Variants in CACNA2D1 observed in about 807,000 individuals in gnomAD.
The protein encoded by CACNA2D1 is voltage-dependent calcium channel subunit alpha-2/delta-1.
A neutral mutation model predicts 171.5 loss-of-function variants in CACNA2D1; 53 were observed. That is an observed-to-expected ratio of 0.31 (90% CI 0.25 to 0.39). The LOEUF is 0.39. CACNA2D1 is among the 10% of genes least tolerant of loss of function. The pLI, the probability that CACNA2D1 is intolerant of heterozygous loss-of-function variation, is 1.00. For synonymous variants in CACNA2D1, 442 were observed against 443.1 expected, an observed-to-expected ratio of 1.00 and a Z score of 0.03; for missense variants, 903 against 1,299.8, an observed-to-expected ratio of 0.69 and a Z score of 4.69.
intron 2 of CACNA2D1, among the ~76,000 whole-genome samples, chr7:82,337,365 T>G (rs1228575790): frequency 6.6e-6 from 1 of 152,146 alleles, no homozygotes; most frequent in African/African-American, 2.4e-5. Context: ...ACAATCATCT[T>G]TGTTGTCATG....
rs543349080 is a variant in CACNA2D1 at position 82,441,027 on chromosome 7, A to G, written c.95+2338T>C. 9.9e-5 allele frequency among the ~76,000 whole-genome samples: 15 copies of G among 152,030 alleles called. No individual in the cohort carries two copies. In the South Asian group the frequency reaches 2.9e-3, roughly 29 times the overall value. Reference sequence around the variant, plus strand: ...CCGAGAGAAATTTACATACAGAAGCATAATAATTTGCCTTTATTGACACTA... The same window carrying G: ...CCGAGAGAAATTTACATACAGAAGCGTAATAATTTGCCTTTATTGACACTA... On this transcript the variant is annotated intron_variant, in intron 1 of 38. Transcript: ENST00000356860.
intron 3 of CACNA2D1, among the ~76,000 whole-genome samples, chr7:82,262,382 A>G (rs1468218254): frequency 6.6e-6 from 1 of 152,104 alleles, no homozygotes; most frequent in African/African-American, 2.4e-5. Flanking sequence ...AGAAAAACAG[A>G]TATGTTATCC....
At chr7:82,399,177 T>C (rs1826068233) in intron 1 of CACNA2D1, among the ~76,000 whole-genome samples, 1 of 152,142 alleles carries the variant, frequency 6.6e-6, no homozygotes, top group Non-Finnish European at 1.5e-5. Context: ...TATTGTAACT[T>C]AGCAAAAACT....
chr7:82,118,462 A>G (rs1200265704), intron 5 of CACNA2D1, among the ~76,000 whole-genome samples: 1 of 152,168 alleles, frequency 6.6e-6, no homozygotes, highest in African/African-American at 2.4e-5. Context: ...AGAGGGAGAA[A>G]TGAATGGATG....
intron 38 of CACNA2D1, among the ~76,000 whole-genome samples, chr7:81,955,064 GCTTTA>G (rs1348636224): frequency 6.6e-6 from 1 of 152,012 alleles, no homozygotes; most frequent in Non-Finnish European, 1.5e-5. Flanking sequence ...GAATTGGCTT[GCTTTA>G]CTTCTTTGAT....
chr7:82,437,742 A>G (rs1348905960), intron 1 of CACNA2D1, among the ~76,000 whole-genome samples: 7 of 152,070 alleles, frequency 4.6e-5, no homozygotes. Context: ...TTCTTTACTC[A>G]TTTTTAAAAA....
intron 1 of CACNA2D1, among the ~76,000 whole-genome samples, chr7:82,397,866 G>A (rs1825910621): frequency 6.6e-6 from 1 of 152,060 alleles, no homozygotes; most frequent in East Asian, 1.9e-4. Context: ...AAACTTACTA[G>A]ATAAAACTCT....
At chr7:82,120,844 C>T (rs1789646570) in intron 5 of CACNA2D1, among the ~76,000 whole-genome samples, 3 of 134,084 alleles carry the variant, frequency 2.2e-5, no homozygotes, top group African/African-American at 8.8e-5. Context: ...CACTGCACTC[C>T]AGTCTGGGTG....
intron 1 of CACNA2D1, among the ~76,000 whole-genome samples, chr7:82,406,197 T>C (rs973094217): frequency 5.3e-5 from 8 of 152,176 alleles, no homozygotes; most frequent in Non-Finnish European, 7.3e-5. Context: ...GCTTCATCCA[T>C]GTCCCTACAA....
chr7:81,965,329 A>G (rs1794607824), intron 32 of CACNA2D1, among the ~76,000 whole-genome samples: 1 of 151,930 alleles, frequency 6.6e-6, no homozygotes, highest in African/African-American at 2.4e-5. Context: ...TCTAAATATC[A>G]GAAAGATTAA....
intron 18 of CACNA2D1, among the ~76,000 whole-genome samples, chr7:82,003,329 A>T (rs1219151891): frequency 6.6e-6 from 1 of 152,048 alleles, no homozygotes; most frequent in Non-Finnish European, 1.5e-5. Context: ...AAGATATGCA[A>T]AGCTAATTTA....
intron 4 of CACNA2D1, among the ~76,000 whole-genome samples, chr7:82,165,870 T>TA (rs1795407296): frequency 6.6e-6 from 1 of 152,056 alleles, no homozygotes; most frequent in Non-Finnish European, 1.5e-5. Flanking sequence ...AGCCAGAGCC[T>TA]AAAATCATTT....
In CACNA2D1 at chr7:82,443,516, T is replaced by A. The variant is rs556752739; in HGVS notation, c.-57A>T. 2.3e-4 allele frequency: 362 copies of A among 1,583,338 alleles called. 2 individuals carry two copies. In the East Asian group the frequency reaches 7.8e-3, roughly 34 times the overall value. ...GCCCAAGCGGGGGAAGGAGCGGCGC[T>A]GGAAACCGCGGGCGGAGGAAGAGCA... On this transcript the variant is annotated 5_prime_UTR_variant, in exon 1 of 39. Transcript: ENST00000356860.
At chr7:82,054,998 C>T (rs1325884181) in intron 10 of CACNA2D1, among the ~76,000 whole-genome samples, 1 of 152,124 alleles carries the variant, frequency 6.6e-6, no homozygotes, top group African/African-American at 2.4e-5. Flanking sequence ...AGCCAGAAAA[C>T]CTGTGTGGCA....
intron 25 of CACNA2D1, among the ~76,000 whole-genome samples, chr7:81,972,276 G>T (rs1395138912): frequency 2.0e-5 from 3 of 150,996 alleles, no homozygotes; most frequent in Non-Finnish European, 4.4e-5. Flanking sequence ...TATATATATA[G>T]AAACAGAACT....
At chr7:82,163,139 T>C (rs1431132155) in intron 4 of CACNA2D1, among the ~76,000 whole-genome samples, 1 of 152,072 alleles carries the variant, frequency 6.6e-6, no homozygotes, top group African/African-American at 2.4e-5. Flanking sequence ...GGTTCTGTTC[T>C]GAAGGATTGA....
chr7:82,053,782 A>G (rs1415858218), intron 10 of CACNA2D1, among the ~76,000 whole-genome samples: 3 of 152,186 alleles, frequency 2.0e-5, no homozygotes, highest in Non-Finnish European at 2.9e-5. Flanking sequence ...GAGGTATTTT[A>G]ATAACTTTTA....
At position 81,947,327 on chromosome 7, in the gene CACNA2D1, T is replaced by C. The variant is rs1383105419; in HGVS notation, c.*3065A>G. ...TACAAATGGCAGGAACACTGTTTTT[T>C]GTTTTTTTTTTTCCCAAGTTAAGCA... On this transcript the variant is annotated 3_prime_UTR_variant, in exon 39 of 39. Transcript: ENST00000356860. 1.3e-5 allele frequency: 2 copies of C among 151,402 alleles called. No individual in the cohort carries two copies. Among genetic ancestry groups the C allele is most frequent in the Non-Finnish European group, 3.0e-5 (2 of 67,730 alleles). The allele number at this position is 151,402 out of a possible 1,614,324, so 9.4% of individuals were successfully genotyped here.
intron 24 of CACNA2D1, among the ~76,000 whole-genome samples, chr7:81,978,502 TCTCA>T (rs1796086334): frequency 6.6e-6 from 1 of 151,950 alleles, no homozygotes; most frequent in African/African-American, 2.4e-5. Context: ...CACCGCATGT[TCTCA>T]CTCATAAGTG....
Sources: gnomAD v4.1 joint callset for allele counts (sites outside exome capture counted in the v4.1 genomes callset) on GRCh38, gnomAD v4.1.1 for gene constraint, MANE v1.5 for transcripts, NCBI Gene and HGNC (gene_info 2026-07-23, HGNC 2026-07-21) for gene names.